TBCK: variants seen among roughly 807,000 people sequenced by gnomAD.
TBCK encodes the protein TBC1 domain containing kinase, also known as TBC domain-containing protein kinase-like protein.
Under a neutral mutation model 113.4 loss-of-function variants are expected in TBCK, and 99 were observed. That is an observed-to-expected ratio of 0.87 (90% confidence interval 0.74 to 1.03). TBCK has a LOEUF of 1.03. Ranked by LOEUF, TBCK falls within the 50% of genes least tolerant of loss-of-function variation. The probability of loss-of-function intolerance (pLI) is 0.00; values close to 1 mark genes in which losing one functional copy is unlikely to be tolerated. For missense variants in TBCK, 1,045 were observed against 1,061.3 expected (o/e 0.98, Z 0.21); for synonymous variants, 369 against 370.8 (o/e 1.00, Z 0.05).
chr4:106,108,119 C>T (rs1430023423), intron 24 of TBCK, among the ~76,000 whole-genome samples: 2 of 152,068 alleles, frequency 1.3e-5, no homozygotes, highest in Non-Finnish European at 2.9e-5. Flanking sequence ...AATAAATAGC[C>T]TACCAACCAA....
chr4:106,299,103 A>G (rs1457934074), intron 2 of TBCK, among the ~76,000 whole-genome samples: 2 of 152,376 alleles, frequency 1.3e-5, no homozygotes, highest in African/African-American at 4.8e-5. Context: ...TCACAGTAGT[A>G]CATCACAGGA....
intron 20 of TBCK, among the ~76,000 whole-genome samples, chr4:106,211,863 C>T (rs1409647997): frequency 6.6e-6 from 1 of 151,640 alleles, no homozygotes; most frequent in Non-Finnish European, 1.5e-5. Context: ...GAGATAATAC[C>T]ATAATATTAT....
At chr4:106,225,811 CT>C (rs1399808531) in intron 19 of TBCK, among the ~76,000 whole-genome samples, 1 of 151,958 alleles carries the variant, frequency 6.6e-6, no homozygotes, top group Admixed American at 6.6e-5. Flanking sequence ...ACTACAGTCT[CT>C]AATTTAATAA....
intron 23 of TBCK, among the ~76,000 whole-genome samples, chr4:106,127,040 T>C (rs1182602125): frequency 6.6e-6 from 1 of 151,770 alleles, no homozygotes; most frequent in Non-Finnish European, 1.5e-5. Context: ...AAACCCCATC[T>C]CTACCAAAAA....
At chr4:106,075,050 G>C (rs1738009084) in intron 25 of TBCK, among the ~76,000 whole-genome samples, 1 of 152,194 alleles carries the variant, frequency 6.6e-6, no homozygotes, top group South Asian at 2.1e-4. Context: ...TCTATGATGG[G>C]AGGTGGGGCA....
rs569162825 is a variant in TBCK, at chr4:106,070,980, G to A, written c.2572-24300C>T. 1.2e-4 allele frequency among the ~76,000 whole-genome samples: 18 copies of A among 151,110 alleles called. No individual in the cohort carries two copies. In the East Asian group the frequency reaches 1.6e-3, roughly 13 times the overall value. On this transcript the variant is annotated intron_variant, in intron 25 of 25. Transcript: ENST00000394708. The stretch of plus-strand genomic sequence containing the variant: ...TGGTAGTTTGTATTTCTGTGGGATC[G>A]GTGGTGATATCCCTTTTATTAGTCT...
At chr4:106,303,749 A>G (rs1379421789) in intron 2 of TBCK, among the ~76,000 whole-genome samples, 1 of 152,134 alleles carries the variant, frequency 6.6e-6, no homozygotes, top group Non-Finnish European at 1.5e-5. Context: ...CACAACTGAT[A>G]TCAACCAACT....
At chr4:106,298,034 G>A (rs531215837) in intron 2 of TBCK, among the ~76,000 whole-genome samples, 1 of 152,226 alleles carries the variant, frequency 6.6e-6, no homozygotes, top group South Asian at 2.1e-4. Flanking sequence ...TTCCTCAAGG[G>A]ACACTTCTCT....
In TBCK at chr4:106,042,076, T is replaced by C; in HGVS notation, c.*4494A>G. Reference sequence around the variant, plus strand: ...TTCACCATTAGTTTTCCACATAAAATTGAAGTTGGTAGCTGTGAAGAGGGT... The same window carrying C: ...TTCACCATTAGTTTTCCACATAAAACTGAAGTTGGTAGCTGTGAAGAGGGT... On this transcript the variant is annotated 3_prime_UTR_variant, in exon 26 of 26. Transcript: ENST00000394708. 6.6e-6 allele frequency: 1 copy of C among 152,214 alleles called. No individual in the cohort carries two copies. Among genetic ancestry groups the C allele is most frequent in the East Asian group, 1.9e-4 (1 of 5,202 alleles). The allele number at this position is 152,214 out of a possible 1,614,324, so 9.4% of individuals were successfully genotyped here. A position where few individuals can be genotyped will look rare whatever the true frequency, so the allele number is the denominator to read the frequency against.
chr4:106,229,496 G>A (rs1043428227), intron 19 of TBCK, among the ~76,000 whole-genome samples: 4 of 152,096 alleles, frequency 2.6e-5, no homozygotes, highest in South Asian at 2.1e-4. Flanking sequence ...ATTTGTTGAA[G>A]AGACTTTAAG....
intron 25 of TBCK, among the ~76,000 whole-genome samples, chr4:106,092,458 C>G (rs768738792): frequency 2.0e-4 from 31 of 152,204 alleles, no homozygotes; most frequent in African/African-American, 6.3e-4. Context: ...GGGCAGCACT[C>G]GTTGGGGAGT....
chr4:106,230,656 C>T (rs1758757532), intron 18 of TBCK, among the ~76,000 whole-genome samples: 1 of 151,814 alleles, frequency 6.6e-6, no homozygotes, highest in African/African-American at 2.4e-5. Context: ...AATAATAATT[C>T]TATAACTTCA....
intron 23 of TBCK, among the ~76,000 whole-genome samples, chr4:106,135,970 GTAA>G (rs1309236202): frequency 7.1e-6 from 1 of 141,328 alleles, no homozygotes; most frequent in African/African-American, 2.5e-5. Context: ...GTGTCACATA[GTAA>G]TAACAGTATC....
chr4:106,291,925 ACAACAATG>A (rs1765756431), intron 3 of TBCK, among the ~76,000 whole-genome samples: 1 of 152,244 alleles, frequency 6.6e-6, no homozygotes, highest in Non-Finnish European at 1.5e-5. Flanking sequence ...ACCGATGTTG[ACAACAATG>A]CAACAATGCT....
At chr4:106,141,264 T>C (rs1261160250) in intron 23 of TBCK, among the ~76,000 whole-genome samples, 1 of 140,080 alleles carries the variant, frequency 7.1e-6, no homozygotes. Flanking sequence ...AATAGAAAAT[T>C]TGAATCAAAT....
intron 2 of TBCK, among the ~76,000 whole-genome samples, chr4:106,297,945 A>C (rs1386567986): frequency 6.6e-6 from 1 of 152,200 alleles, no homozygotes; most frequent in East Asian, 1.9e-4. Flanking sequence ...GGCCTAGAAT[A>C]GTGTGTGGCA....
chr4:106,254,434 T>A (rs1057024886), intron 5 of TBCK, among the ~76,000 whole-genome samples: 1 of 152,232 alleles, frequency 6.6e-6, no homozygotes, highest in African/African-American at 2.4e-5. Flanking sequence ...TAACTCCAGA[T>A]ACTAATGTCT....
intron 23 of TBCK, among the ~76,000 whole-genome samples, chr4:106,125,904 T>C (rs552336353): frequency 3.3e-4 from 51 of 152,348 alleles, no homozygotes; most frequent in Non-Finnish European, 5.7e-4. Context: ...AGATTTGAAA[T>C]ATTTCCAACA....
chr4:106,233,836 G>T (rs1263827891), intron 15 of TBCK, among the ~76,000 whole-genome samples, 186 bp from the exon 16 acceptor site: 1 of 151,982 alleles, frequency 6.6e-6, no homozygotes, highest in African/African-American at 2.4e-5. Flanking sequence ...CTGTGATGAA[G>T]GTCTCTGATA....
Sources: gnomAD v4.1 joint callset for allele counts (sites outside exome capture counted in the v4.1 genomes callset) on GRCh38, gnomAD v4.1.1 for gene constraint, MANE v1.5 for transcripts, NCBI Gene and HGNC (gene_info 2026-07-23, HGNC 2026-07-21) for gene names.